Variants in PARVG observed in about 807,000 individuals in gnomAD.
PARVG encodes the protein parvin gamma, also known as gamma-parvin.
Under a neutral mutation model 44.4 loss-of-function variants are expected in PARVG, and 36 were observed. The observed-to-expected ratio is 0.81, with a 90% CI of 0.62 to 1.07. PARVG has a LOEUF of 1.07. Ranked by LOEUF, PARVG falls within the 50% of genes least tolerant of loss-of-function variation. The pLI is 0.00. For synonymous variants in PARVG, 170 were observed against 174.1 expected (o/e 0.98, Z 0.19); for missense variants, 407 against 407.4 (o/e 1.00, Z 0.01).
At chr22:44,187,273 C>T (rs2054486303) in intron 4 of PARVG, 1 of 176,810 alleles carries the variant, frequency 5.7e-6, no homozygotes, top group Non-Finnish European at 1.2e-5. Flanking sequence ...GCTGCAGCAT[C>T]CTGGTCTCCC....
At chr22:44,178,709 T>C (rs146166145), upstream of PARVG, among the ~76,000 whole-genome samples, 1 of 152,280 alleles carries the variant, frequency 6.6e-6, no homozygotes, top group East Asian at 1.9e-4. Flanking sequence ...AAGATTGTTC[T>C]AGATTACAGG....
chr22:44,206,393 CAG>C lies in PARVG; in HGVS notation c.964_965del (p.Arg322GlyfsTer45), dbSNP rs776513392. ...LFCKHTQKAH[R>X]DRTPHGAPN is the part of the protein sequence containing the mutation. ...TCTGCAAGCACACGCAGAAGGCACA[CAG>C]GGACAGGACGCCCCATGGAGCCCCG... On this transcript the variant is annotated frameshift_variant, in exon 14 of 14. Coordinates refer to ENST00000444313, the MANE Select transcript of PARVG (RefSeq NM_022141.7). LOFTEE classifies it low-confidence loss of function (END_TRUNC). The C allele has an allele frequency of 6.2e-7, 1 of 1,614,084 alleles. No homozygotes were observed. Among genetic ancestry groups the C allele is most frequent in the Non-Finnish European group, 8.5e-7 (1 of 1,180,004 alleles).
At chr22:44,199,017 A>C (rs2054669394) in intron 12 of PARVG, among the ~76,000 whole-genome samples, 1 of 71,556 alleles carries the variant, frequency 1.4e-5, no homozygotes, top group East Asian at 6.5e-4. Context: ...ATCCCCATCT[A>C]CCCATTATCT....
intron 3 of PARVG, chr22:44,184,421 CT>C (rs2054432796): frequency 6.6e-6 from 1 of 152,204 alleles, no homozygotes; most frequent in South Asian, 2.1e-4. Context: ...TCACTGCAGC[CT>C]CTGCCTCCCA....
upstream of PARVG, among the ~76,000 whole-genome samples, chr22:44,176,182 G>A (rs919689773): frequency 7.9e-5 from 12 of 152,162 alleles, no homozygotes; most frequent in South Asian, 1.5e-3. Flanking sequence ...GAGTGAATCC[G>A]GGACCCTGGA....
In PARVG at chr22:44,182,497, C is replaced by T. The variant is rs1484553066; in HGVS notation, c.-13+580C>T. Reference sequence around the variant, plus strand: ...CGCCCCAGGCTGGCTGCTGGTGTGACATGGGTGGCTCCAGTCGAGTGAATG... The same window carrying T: ...CGCCCCAGGCTGGCTGCTGGTGTGATATGGGTGGCTCCAGTCGAGTGAATG... On this transcript the variant is annotated intron_variant, in intron 2 of 13. Coordinates refer to ENST00000444313, the MANE Select transcript of PARVG (RefSeq NM_022141.7). The surrounding 1 kb of genome is among the most constrained non-coding windows in gnomAD (Gnocchi z 4.6). Among the ~76,000 whole-genome samples the T allele has an allele frequency of 1.3e-5, 2 of 152,170 alleles. No individual in the cohort carries two copies. Among genetic ancestry groups the T allele is most frequent in the African/African-American group, 2.4e-5 (1 of 41,448 alleles).
At chr22:44,179,608 T>C (rs1601724689), upstream of PARVG, among the ~76,000 whole-genome samples, 2 of 152,214 alleles carry the variant, frequency 1.3e-5, no homozygotes, top group South Asian at 2.1e-4. This position sits in a 1 kb window ranked among gnomAD's most constrained non-coding sequence, Gnocchi z 4.2. Flanking sequence ...TATTTTGCCA[T>C]CACAGGCTAC....
chr22:44,198,324 T>C (rs1397602999), intron 11 of PARVG, among the ~76,000 whole-genome samples: 3 of 152,230 alleles, frequency 2.0e-5, no homozygotes, highest in Non-Finnish European at 4.4e-5. Context: ...AACTCTGTTT[T>C]CCCCTGTGTT....
upstream of PARVG, among the ~76,000 whole-genome samples, chr22:44,176,099 T>C (rs1295655831): frequency 2.0e-5 from 3 of 152,150 alleles, no homozygotes; most frequent in African/African-American, 7.2e-5. Flanking sequence ...ATTCTTAAAA[T>C]GTATTGCCAA....
rs1601731893 is a variant in PARVG, at chr22:44,186,765, A to T, written c.144+893A>T. 70 of 423,658 alleles carry T rather than the reference A, an allele frequency of 1.7e-4. 1 individual carries two copies. The highest frequency in any genetic ancestry group is 1.2e-3 in the South Asian group (69 of 58,448). 26.2% of individuals were successfully genotyped at this position (423,658 alleles called of 1,614,324 possible). A position where few individuals can be genotyped will look rare whatever the true frequency, so the allele number is the denominator to read the frequency against. On this transcript the variant is annotated intron_variant, in intron 4 of 13. Coordinates refer to ENST00000444313, the MANE Select transcript of PARVG (RefSeq NM_022141.7). Reference sequence around the variant, plus strand: ...GGGTCATGGGAGGGAAGGGGCCAACACATGGTTAGTGATGGAGCTGGTCAT... The same window carrying T: ...GGGTCATGGGAGGGAAGGGGCCAACTCATGGTTAGTGATGGAGCTGGTCAT...
Position 44,182,244 on chromosome 22 carries a change from A to G in PARVG, c.-13+327A>G, listed in dbSNP as rs917069060. Among the ~76,000 whole-genome samples, 2 of 152,178 alleles carry G rather than the reference A, an allele frequency of 1.3e-5. No homozygotes were observed. Among genetic ancestry groups the G allele is most frequent in the Non-Finnish European group, 2.9e-5 (2 of 68,026 alleles). Reference sequence around the variant, plus strand: ...GATCCCTTTGGGCAGCATCGAGTCCAGGCCCTCCTTGTAACCATGCATCAG... The same window carrying G: ...GATCCCTTTGGGCAGCATCGAGTCCGGGCCCTCCTTGTAACCATGCATCAG... On this transcript the variant is annotated intron_variant, in intron 2 of 13. Transcript: ENST00000444313. The surrounding 1 kb of genome is among the most constrained non-coding windows in gnomAD (Gnocchi z 4.6).
rs539921083 is a variant in PARVG at position 44,182,686 on chromosome 22, C to G, written c.-12-632C>G. 6.6e-6 allele frequency among the ~76,000 whole-genome samples: 1 copy of G among 152,330 alleles called. No individual in the cohort carries two copies. Among genetic ancestry groups the G allele is most frequent in the South Asian group, 2.1e-4 (1 of 4,828 alleles). On this transcript the variant is annotated intron_variant, in intron 2 of 13. Coordinates refer to ENST00000444313, the MANE Select transcript of PARVG (RefSeq NM_022141.7). The surrounding 1 kb of genome is among the most constrained non-coding windows in gnomAD (Gnocchi z 4.6). ...GAAGGCGCCAGCCGAGCCAGCGAAG[C>G]CTTCACAGGAGAGGAAGTGGGCCAG... is the stretch of plus-strand genomic sequence containing the variant.
chr22:44,182,708 C>G lies in PARVG; in HGVS notation c.-12-610C>G, dbSNP rs1403696046. ...AAGCCTTCACAGGAGAGGAAGTGGGCCAGGGGAACAGGAAGGAGGGCTGGG... is the reference window on the plus strand; with the variant it reads ...AAGCCTTCACAGGAGAGGAAGTGGGGCAGGGGAACAGGAAGGAGGGCTGGG... On this transcript the variant is annotated intron_variant, in intron 2 of 13. Coordinates refer to ENST00000444313, the MANE Select transcript of PARVG (RefSeq NM_022141.7). This position sits in a 1 kb window ranked among gnomAD's most constrained non-coding sequence, Gnocchi z 4.6. 6.6e-6 allele frequency among the ~76,000 whole-genome samples: 1 copy of G among 152,182 alleles called. No individual in the cohort carries two copies. Among genetic ancestry groups the G allele is most frequent in the African/African-American group, 2.4e-5 (1 of 41,454 alleles).
Position 44,198,642 on chromosome 22 carries a change from C to G in PARVG, c.733C>G (p.Leu245Val). Reference protein sequence around the residue: ...DTQFADGVILLLLIGQLEGFF... With the variant: ...DTQFADGVILVLLIGQLEGFF... ...GTAGTTTGCAGATGGGGTCATCTTA[C>G]TCTTGCTGATTGGACAACTTGAAGG... is the stretch of plus-strand genomic sequence containing the variant. Residue 245 changes from leucine to valine, a missense_variant, in exon 12 of 14, where the codon CTC becomes GTC. Physicochemically the swap from Leu to Val is conservative, Grantham distance 32. Transcript: ENST00000444313. 1 of 1,613,780 alleles carries G rather than the reference C, an allele frequency of 6.2e-7. No homozygotes were observed.
At chr22:44,174,554 C>G (rs2054300833) in intron 1 of PARVG, among the ~76,000 whole-genome samples, 1 of 117,116 alleles carries the variant, frequency 8.5e-6, no homozygotes, top group Non-Finnish European at 1.8e-5. Flanking sequence ...TAAAAACAAA[C>G]AAACAAAAAA....
upstream of PARVG, among the ~76,000 whole-genome samples, chr22:44,178,784 G>T (rs1310824930): frequency 1.3e-5 from 2 of 150,164 alleles, no homozygotes; most frequent in African/African-American, 5.1e-5. Context: ...ATGGATCTTG[G>T]ATTAAAAAAA....
At chr22:44,189,690 G>A (rs2054522247) in intron 6 of PARVG, among the ~76,000 whole-genome samples, 1 of 152,192 alleles carries the variant, frequency 6.6e-6, no homozygotes, top group Non-Finnish European at 1.5e-5. Flanking sequence ...GCCGAGGCGG[G>A]TGGATCACCT....
intron 3 of PARVG, 56 bp downstream of exon 3, chr22:44,183,464 A>G: frequency 6.8e-7 from 1 of 1,480,702 alleles, no homozygotes; most frequent in South Asian, 1.3e-5. Flanking sequence ...GGCAAGAGTG[A>G]GCCTGGCCAT....
At chr22:44,189,315 T>C (rs2147226117) in intron 6 of PARVG, 61 bp downstream of exon 6, 1 of 1,581,074 alleles carries the variant, frequency 6.3e-7, no homozygotes, top group Non-Finnish European at 8.6e-7. Flanking sequence ...TCCTTCTGCT[T>C]CAGGCTTCTC....
Sources: allele counts gnomAD v4.1 joint callset (sites outside exome capture counted in the v4.1 genomes callset), GRCh38; gene constraint gnomAD v4.1.1; non-coding constraint Gnocchi (gnomAD v3.1); transcripts MANE v1.5; gene names NCBI Gene and HGNC (gene_info 2026-07-23, HGNC 2026-07-21).